The following LRP6 variants were observed in gnomAD, a reference collection of about 807,000 sequenced individuals.
LRP6 encodes LDL receptor related protein 6.
A neutral mutation model predicts 184.1 loss-of-function variants in LRP6; 43 were observed. That is an observed-to-expected ratio of 0.23 (90% CI 0.18 to 0.30). LRP6 has a LOEUF of 0.30. Among genes scored for constraint, LRP6 ranks in the 10% least tolerant of loss-of-function variants. LRP6 has a pLI of 1.00. For synonymous variants in LRP6, 719 were observed against 684.9 expected (o/e 1.05, Z -0.78); for missense variants, 1,571 against 2,005.3 (o/e 0.78, Z 4.14).
At chr12:12,231,717 C>A (rs1396397125) in intron 2 of LRP6, among the ~76,000 whole-genome samples, 5 of 148,996 alleles carry the variant, frequency 3.4e-5, no homozygotes, top group South Asian at 2.1e-4. Flanking sequence ...TAAACAACAA[C>A]AAAAAAAACT....
At chr12:12,167,598 G>A (rs991623054) in intron 7 of LRP6, among the ~76,000 whole-genome samples, 16 of 151,048 alleles carry the variant, frequency 1.1e-4, no homozygotes, top group East Asian at 3.9e-4. Flanking sequence ...TGCCGAGATC[G>A]CGCCACTGCA....
At chr12:12,234,018 G>A (rs934343272) in intron 2 of LRP6, among the ~76,000 whole-genome samples, 4 of 152,088 alleles carry the variant, frequency 2.6e-5, no homozygotes, top group South Asian at 2.1e-4. Flanking sequence ...GGCCGGGCAC[G>A]GTGGCTCATG....
intron 2 of LRP6, among the ~76,000 whole-genome samples, chr12:12,226,316 A>G (rs1864622041): frequency 6.6e-6 from 1 of 152,240 alleles, no homozygotes; most frequent in South Asian, 2.1e-4. Context: ...CTAAAAGACA[A>G]AAAAGCAGTT....
intron 2 of LRP6, among the ~76,000 whole-genome samples, chr12:12,204,216 G>C (rs1221170384): frequency 7.0e-6 from 1 of 143,140 alleles, no homozygotes; most frequent in Non-Finnish European, 1.5e-5. Flanking sequence ...AGGAAACAGT[G>C]TGATTCAAGT....
intron 22 of LRP6, among the ~76,000 whole-genome samples, chr12:12,124,057 C>T (rs1949638509): frequency 6.6e-6 from 1 of 150,432 alleles, no homozygotes; most frequent in South Asian, 2.1e-4. Flanking sequence ...TAAAAGCCAG[C>T]ATTTGTGACT....
chr12:12,233,858 T>TAA lies in LRP6; in HGVS notation c.449+10402_449+10403dup, dbSNP rs559535712. On this transcript the variant is annotated intron_variant, in intron 2 of 22. Transcript: ENST00000261349. ...TCTGCTTTAAAATATCTCAGCTAAT[T>TAA]AAAAAAAAAACCAGCCTAAAAGCCT... 3.1e-3 allele frequency among the ~76,000 whole-genome samples: 450 copies of TAA among 147,406 alleles called. 4 individuals are homozygous for TAA. Among genetic ancestry groups the TAA allele is most frequent in the African/African-American group, 0.01 (411 of 40,140 alleles).
chr12:12,224,959 CT>C (rs1221344755), intron 2 of LRP6, among the ~76,000 whole-genome samples: 1 of 152,160 alleles, frequency 6.6e-6, no homozygotes, highest in Non-Finnish European at 1.5e-5. Context: ...AATCCCAGCA[CT>C]TTAGGAGGCC....
At chr12:12,236,152 A>G (rs1034344511) in intron 2 of LRP6, among the ~76,000 whole-genome samples, 3 of 151,308 alleles carry the variant, frequency 2.0e-5, no homozygotes, top group Admixed American at 1.3e-4. Flanking sequence ...GCGTGAACCC[A>G]GGAGGCGGAG....
At chr12:12,230,077 A>C (rs983970361) in intron 2 of LRP6, among the ~76,000 whole-genome samples, 2 of 152,204 alleles carry the variant, frequency 1.3e-5, no homozygotes, top group African/African-American at 4.8e-5. Flanking sequence ...ATTCATTTGT[A>C]ATGCTTTCTG....
chr12:12,132,589 G>C (rs1461699236), intron 17 of LRP6, among the ~76,000 whole-genome samples: 2 of 152,150 alleles, frequency 1.3e-5, no homozygotes, highest in East Asian at 3.8e-4. Context: ...TGGTACCTTA[G>C]CAGACTCAGG....
chr12:12,147,200 T>A (rs1950021054), intron 15 of LRP6, among the ~76,000 whole-genome samples, 166 bp downstream of exon 15: 1 of 152,166 alleles, frequency 6.6e-6, no homozygotes, highest in East Asian at 1.9e-4. Flanking sequence ...AGTAATCATG[T>A]TGACAGTTGA....
In LRP6 at chr12:12,266,750, T is replaced by C. The variant is rs1383260874; in HGVS notation, c.-15A>G. On this transcript the variant is annotated 5_prime_UTR_variant, in exon 1 of 23. Coordinates refer to ENST00000261349, the MANE Select transcript of LRP6 (RefSeq NM_002336.3). ...ACGGCCCCCATCTTCCCTTCTCGCG[T>C]TCTCTTCTCTCACCGGCGAGGGGTG... 1 of 1,610,064 alleles carries C rather than the reference T, an allele frequency of 6.2e-7. No individual in the cohort carries two copies. The highest frequency in any genetic ancestry group is 8.5e-7 in the Non-Finnish European group (1 of 1,177,646).
At position 12,244,462 on chromosome 12, in the gene LRP6, A is replaced by G; in HGVS notation, c.249T>C (p.Thr83=). The G allele has an allele frequency of 6.2e-7, 1 of 1,614,178 alleles. No homozygotes were observed. The highest frequency in any genetic ancestry group is 1.7e-5 in the Admixed American group (1 of 60,016). ...AAACAACAACATTCTGCACACTCTC[A>G]GTTTTGTTAAATTCTGTTCGTTTAA... ...EAIKRTEFNK[T]ESVQNVVVSG... is the part of the protein sequence containing the mutation. Residue 83 remains threonine, a synonymous_variant, in exon 2 of 23, where the codon ACT becomes ACC. Transcript: ENST00000261349.
intron 2 of LRP6, among the ~76,000 whole-genome samples, chr12:12,222,680 T>G (rs1289333521): frequency 6.6e-6 from 1 of 152,126 alleles, no homozygotes; most frequent in Non-Finnish European, 1.5e-5. Context: ...ATATATACTA[T>G]GTTTTTTCCT....
In LRP6 at chr12:12,124,581, T is replaced by C. The variant is rs764950498; in HGVS notation, c.4531A>G (p.Thr1511Ala). The change falls in exon 22 of 23, where the codon ACT (threonine) becomes GCT (alanine). Residue 1511 changes from threonine to alanine, a missense_variant. Transcript: ENST00000261349. ...GTGTATTACCTGTATGACCTATGAG[T>C]GGAAGGACTGTTTGAAGAATATCCA... is the stretch of plus-strand genomic sequence containing the variant. ...EFGYSSNSPS[T>A]HRSYSYRPYS... is the part of the protein sequence containing the mutation. The C allele has an allele frequency of 5.0e-6, 8 of 1,610,778 alleles. No individual in the cohort carries two copies. Among genetic ancestry groups the C allele is most frequent in the Non-Finnish European group, 6.8e-6 (8 of 1,176,958 alleles).
Position 12,220,990 on chromosome 12 carries a change from G to A in LRP6, c.450-17590C>T, listed in dbSNP as rs983920759. On this transcript the variant is annotated intron_variant, in intron 2 of 22. Coordinates refer to ENST00000261349, the MANE Select transcript of LRP6 (RefSeq NM_002336.3). ...TCAACCCTTGCTCTGACAAAGTTTCGTATCTTACAACTCCCTACCTTCTAC... is the reference window on the plus strand; with the variant it reads ...TCAACCCTTGCTCTGACAAAGTTTCATATCTTACAACTCCCTACCTTCTAC... 2.4e-4 allele frequency among the ~76,000 whole-genome samples: 37 copies of A among 152,112 alleles called. 1 individual carries two copies. The highest frequency in any genetic ancestry group is 1.9e-4 in the East Asian group (1 of 5,196).
chr12:12,139,418 A>G (rs1949897648), intron 15 of LRP6, among the ~76,000 whole-genome samples: 1 of 152,172 alleles, frequency 6.6e-6, no homozygotes, highest in African/African-American at 2.4e-5. Context: ...AAACTCTACT[A>G]ATATGGTGAT....
Position 12,159,719 on chromosome 12 carries a change from G to A in LRP6, c.2464+61C>T. ...AAAAGTATCTAACCAATGATAAATA[G>A]CAGCCACTGATATTTGCATGGAAAG... On this transcript the variant is annotated intron_variant, in intron 11 of 22. Transcript: ENST00000261349. The A allele has an allele frequency of 1.0e-5, 15 of 1,453,892 alleles. No homozygotes were observed. In the South Asian group the frequency reaches 1.7e-4, roughly 17 times the overall value. 90.1% of individuals were successfully genotyped at this position (1,453,892 alleles called of 1,614,324 possible). A position where few individuals can be genotyped will look rare whatever the true frequency, so the allele number is the denominator to read the frequency against.
At position 12,121,298 on chromosome 12, in the gene LRP6, G is replaced by C. The variant is rs1385041500; in HGVS notation, c.4670C>G (p.Thr1557Ser). The change falls in exon 23 of 23, where the codon ACC (threonine) becomes AGC (serine). Residue 1557 changes from threonine to serine, a missense_variant. Around this residue, in one of 4 missense-constraint regions of LRP6, gnomAD observed 763 missense variants for 859.5 expected, o/e 0.89. Coordinates refer to ENST00000261349, the MANE Select transcript of LRP6 (RefSeq NM_002336.3). ...TTCTGAATCATAGTTCAAGTCACTG[G>C]TATAGCCCTTGGCTGTTGCCACTGA... ...MTSVATAKGY[T>S]SDLNYDSEPV... 1.2e-6 allele frequency: 2 copies of C among 1,614,160 alleles called. No individual in the cohort carries two copies. The highest frequency in any genetic ancestry group is 3.3e-5 in the Admixed American group (2 of 60,018).
Sources: allele counts gnomAD v4.1 joint callset (sites outside exome capture counted in the v4.1 genomes callset), GRCh38; gene constraint gnomAD v4.1.1; regional missense constraint gnomAD v4.1.1; transcripts MANE v1.5; gene names NCBI Gene and HGNC (gene_info 2026-07-23, HGNC 2026-07-21).